GRM4: variants seen among roughly 807,000 people sequenced by gnomAD.
GRM4 encodes the protein glutamate metabotropic receptor 4.
In GRM4, 28 loss-of-function variants were observed where a neutral mutation model predicts 81.7. That is an observed-to-expected ratio of 0.34 (90% confidence interval 0.25 to 0.47). The LOEUF (loss-of-function observed/expected upper bound fraction) is 0.47, where lower values mean the gene tolerates loss of function less well. GRM4 is among the 20% of genes least tolerant of loss of function. The pLI is 1.00. For missense variants in GRM4, 948 were observed against 1,290.0 expected, an observed-to-expected ratio of 0.73 and a Z score of 4.06; for synonymous variants, 488 against 528.8, an observed-to-expected ratio of 0.92 and a Z score of 1.06.
chr6:34,132,704 C>G (rs1322224643), intron 2 of GRM4, among the ~76,000 whole-genome samples: 2 of 152,192 alleles, frequency 1.3e-5, no homozygotes, highest in African/African-American at 4.8e-5. Context: ...GAGCCTCCAG[C>G]GGCAGGTGCT....
intron 1 of GRM4, among the ~76,000 whole-genome samples, chr6:34,140,047 G>C (rs1770617294): frequency 6.6e-6 from 1 of 152,100 alleles, no homozygotes; most frequent in Admixed American, 6.5e-5. Flanking sequence ...GACTTCAGGG[G>C]ATCAGGCGAT....
At chr6:34,052,199 G>A (rs1047102492) in intron 6 of GRM4, among the ~76,000 whole-genome samples, 4 of 152,130 alleles carry the variant, frequency 2.6e-5, no homozygotes, top group East Asian at 1.9e-4. Context: ...CACACACCCC[G>A]GCTCCCTCTC....
exon 1 of GRM4, chr6:34,155,141 G>A (rs1408258529): frequency 1.3e-6 from 2 of 1,534,856 alleles, no homozygotes; most frequent in Non-Finnish European, 1.7e-6. Context: ...CTGCTTCCCA[G>A]CTGGGCGGCC....
chr6:34,136,553 C>T lies in GRM4; in HGVS notation c.-363-2694G>A, dbSNP rs1476045626. On this transcript the variant is annotated intron_variant, in intron 1 of 10. Coordinates refer to ENST00000538487, the MANE Select transcript of GRM4 (RefSeq NM_000841.4). This position sits in a 1 kb window ranked among gnomAD's most constrained non-coding sequence, Gnocchi z 4.1. Reference sequence around the variant, plus strand: ...GCACGTCTGGGCTGAGCAGTGCATGCGCGCGTGCGGACACACACACACACA... The same window carrying T: ...GCACGTCTGGGCTGAGCAGTGCATGTGCGCGTGCGGACACACACACACACA... 1.4e-4 allele frequency among the ~76,000 whole-genome samples: 18 copies of T among 129,946 alleles called. No homozygotes were observed. Among genetic ancestry groups the T allele is most frequent in the Admixed American group, 3.4e-4 (4 of 11,608 alleles). 85.2% of individuals were successfully genotyped at this position (129,946 alleles called of 152,430 possible).
Position 34,091,950 on chromosome 6 carries a change from TG to T in GRM4, c.668del (p.Thr223LysfsTer32), listed in dbSNP as rs1364313785. 1 of 1,614,198 alleles carries T rather than the reference TG, an allele frequency of 6.2e-7. No homozygotes were observed. Among genetic ancestry groups the T allele is most frequent in the African/African-American group, 1.3e-5 (1 of 75,076 alleles). On this transcript the variant is annotated frameshift_variant, in exon 3 of 11. Coordinates refer to ENST00000538487, the MANE Select transcript of GRM4 (RefSeq NM_000841.4). LOFTEE classifies it high-confidence loss of function. ...CACCATAGCTGCCCTCCGAGGCCAC[TG>T]TGGACACATAGTTCCACTTGAGGGC... ...VRALKWNYVS[T>X]VASEGSYGES...
chr6:34,061,813 G>T, intron 4 of GRM4, 80 bp downstream of exon 4: 1 of 1,467,514 alleles, frequency 6.8e-7, no homozygotes, highest in Non-Finnish European at 9.4e-7. Flanking sequence ...GCCTGGGAAG[G>T]TCTCCAGCAG....
At chr6:34,141,234 C>A (rs1208569278) in intron 1 of GRM4, among the ~76,000 whole-genome samples, 2 of 152,110 alleles carry the variant, frequency 1.3e-5, no homozygotes, top group Non-Finnish European at 2.9e-5. Context: ...GTGGCCCAGC[C>A]CGGGGAGAGC....
Position 34,117,322 on chromosome 6 carries a change from G to C in GRM4, c.519+15656C>G, listed in dbSNP as rs113416839. ...GGCAGGGCCGGAGGGAGGGAACAAA[G>C]ATGAGGTGGGCGAGACAGGCTGGGC... is the stretch of plus-strand genomic sequence containing the variant. On this transcript the variant is annotated intron_variant, in intron 2 of 10. Coordinates refer to ENST00000538487, the MANE Select transcript of GRM4 (RefSeq NM_000841.4). Among the ~76,000 whole-genome samples, 915 of 152,308 alleles carry C rather than the reference G, an allele frequency of 6.0e-3. 10 individuals carry two copies. The highest frequency in any genetic ancestry group is 0.021 in the African/African-American group (856 of 41,564).
intron 3 of GRM4, among the ~76,000 whole-genome samples, chr6:34,071,913 CCA>C (rs769396412): frequency 2.6e-3 from 5 of 1,900 alleles, no homozygotes; most frequent in African/African-American, 7.5e-3. Flanking sequence ...TCACCACACA[CCA>C]CACAGATACA....
chr6:34,147,927 AATG>A (rs398065695), upstream of GRM4, among the ~76,000 whole-genome samples: 1 of 152,140 alleles, frequency 6.6e-6, no homozygotes, highest in Non-Finnish European at 1.5e-5. Flanking sequence ...TGAATGAATG[AATG>A]AACTAATTAA....
At chr6:34,067,458 CTCCG>C (rs1766535613) in intron 3 of GRM4, among the ~76,000 whole-genome samples, 1 of 137,022 alleles carries the variant, frequency 7.3e-6, no homozygotes, top group African/African-American at 2.9e-5. Flanking sequence ...CCCTCCCTCC[CTCCG>C]TCCTTCCCTC....
chr6:34,060,977 T>C (rs1766150748), intron 4 of GRM4: 1 of 152,322 alleles, frequency 6.6e-6, no homozygotes. Context: ...GGTATCTGTT[T>C]TGCAGCAACT....
intron 6 of GRM4, among the ~76,000 whole-genome samples, chr6:34,045,807 GCTGTTGTAGGAGACAAATTCCAGAC>G (rs919430690): frequency 6.6e-6 from 1 of 152,080 alleles, no homozygotes; most frequent in African/African-American, 2.4e-5. Context: ...ATTTCTGAGA[GCTGTTGTAGGAGACAAATTCCAGAC>G]ACATGGCAGT....
rs1476343361 is a variant in GRM4 at position 34,040,645 on chromosome 6, G to C, written c.1272C>G (p.His424Gln). 1 of 1,614,038 alleles carries C rather than the reference G, an allele frequency of 6.2e-7. No homozygotes were observed. Among genetic ancestry groups the C allele is most frequent in the East Asian group, 2.2e-5 (1 of 44,880 alleles). Residue 424 changes from histidine to glutamine, a missense_variant, in exon 7 of 11, where the codon CAC becomes CAG. Physicochemically the swap from His to Gln is conservative, Grantham distance 24. Coordinates refer to ENST00000538487, the MANE Select transcript of GRM4 (RefSeq NM_000841.4). ...YAMGHALHAM[H>Q]RDLCPGRVGL... ...CCACGCGGCCGGGACACAGGTCACG[G>C]TGCATGGCGTGCAGCGCGTGGCCCA... is the stretch of plus-strand genomic sequence containing the variant.
chr6:34,117,486 G>C (rs1437062096), intron 2 of GRM4, among the ~76,000 whole-genome samples: 1 of 152,144 alleles, frequency 6.6e-6, no homozygotes, highest in African/African-American at 2.4e-5. Flanking sequence ...CTGCCAGCCT[G>C]GCTCCCTGCC....
At chr6:34,028,497 T>C in intron 9 of GRM4, 131 bp from the exon 10 acceptor site, 2 of 945,708 alleles carry the variant, frequency 2.1e-6, no homozygotes, top group East Asian at 5.0e-5. Flanking sequence ...GGCTTGGAGC[T>C]GGGACTGCAG....
intron 3 of GRM4, among the ~76,000 whole-genome samples, chr6:34,086,225 G>C (rs1310814334): frequency 1.3e-5 from 2 of 152,208 alleles, no homozygotes; most frequent in Non-Finnish European, 2.9e-5. Flanking sequence ...CAGCCCACTG[G>C]ATGAGGAGCT....
intron 9 of GRM4, among the ~76,000 whole-genome samples, chr6:34,030,993 C>A (rs937549277): frequency 5.3e-5 from 8 of 152,202 alleles, no homozygotes; most frequent in Admixed American, 3.3e-4. Context: ...AATTTGAGCC[C>A]CACCATGGGA....
chr6:34,146,218 A>C (rs533429470), upstream of GRM4: 9 of 864,626 alleles, frequency 1.0e-5, no homozygotes, highest in African/African-American at 1.8e-5. Flanking sequence ...TCCTGATTCA[A>C]GTATATAACA....
Sources: gnomAD v4.1 joint callset for allele counts (sites outside exome capture counted in the v4.1 genomes callset) on GRCh38, gnomAD v4.1.1 for gene constraint, Gnocchi (gnomAD v3.1) non-coding constraint, MANE v1.5 for transcripts, NCBI Gene and HGNC (gene_info 2026-07-23, HGNC 2026-07-21) for gene names.